The following CDH18 variants were observed in gnomAD, a reference collection of about 807,000 sequenced individuals.
CDH18 encodes cadherin 18, also known as cadherin-18.
A neutral mutation model predicts 67.9 loss-of-function variants in CDH18; 31 were observed. The ratio of observed to expected loss-of-function variants is 0.46; its 90% CI spans 0.34 to 0.62. The LOEUF (loss-of-function observed/expected upper bound fraction) is 0.62. Among genes scored for constraint, CDH18 ranks in the 20% least tolerant of loss-of-function variants. The pLI, the probability that CDH18 is intolerant of heterozygous loss-of-function variation, is 0.01. For missense variants in CDH18, 890 were observed against 975.5 expected (o/e 0.91, Z 1.17); for synonymous variants, 362 against 347.2 (o/e 1.04, Z -0.48).
At chr5:19,756,849 T>G (rs1337096630) in intron 3 of CDH18, among the ~76,000 whole-genome samples, 1 of 152,202 alleles carries the variant, frequency 6.6e-6, no homozygotes, top group Non-Finnish European at 1.5e-5. Flanking sequence ...ATGGTGTGTG[T>G]TGCCACTTAT....
At chr5:19,791,965 C>T (rs1776407373) in intron 3 of CDH18, among the ~76,000 whole-genome samples, 1 of 152,000 alleles carries the variant, frequency 6.6e-6, no homozygotes, top group South Asian at 2.1e-4. Flanking sequence ...AAGAATGTTA[C>T]CAAATTTAAA....
At position 19,622,757 on chromosome 5, in the gene CDH18, C is replaced by T. The variant is rs548737250; in HGVS notation, c.644-10156G>A. Among the ~76,000 whole-genome samples the T allele has an allele frequency of 3.8e-4, 58 of 152,252 alleles. 1 individual carries two copies. Among genetic ancestry groups the T allele is most frequent in the Middle Eastern group, 3.4e-3 (1 of 294 alleles). On this transcript the variant is annotated intron_variant, in intron 5 of 12. Coordinates refer to ENST00000382275, the MANE Select transcript of CDH18 (RefSeq NM_004934.5). ...TAGCTGTTCCTACTAAGGCACTAGG[C>T]ATCTCACTGCACCCATCCTTGAACT... is the stretch of plus-strand genomic sequence containing the variant.
intron 2 of CDH18, among the ~76,000 whole-genome samples, chr5:20,226,097 C>T (rs1018904770): frequency 7.2e-5 from 11 of 152,024 alleles, no homozygotes; most frequent in East Asian, 5.8e-4. Context: ...GAATTTGAGT[C>T]GGAAATCTTT....
intron 1 of CDH18, among the ~76,000 whole-genome samples, chr5:20,495,318 T>C (rs1181475091): frequency 6.6e-6 from 1 of 152,112 alleles, no homozygotes; most frequent in East Asian, 1.9e-4. Flanking sequence ...TAAGGCCCTT[T>C]TAATGTGTTC....
chr5:20,572,783 T>C (rs74460327), intron 1 of CDH18, among the ~76,000 whole-genome samples: 1 of 152,034 alleles, frequency 6.6e-6, no homozygotes, highest in Non-Finnish European at 1.5e-5. Flanking sequence ...ATGGCTAAAA[T>C]GAGTAATCAG....
At chr5:19,833,931 C>G (rs1248110228) in intron 3 of CDH18, among the ~76,000 whole-genome samples, 2 of 151,872 alleles carry the variant, frequency 1.3e-5, no homozygotes, top group Non-Finnish European at 2.9e-5. Context: ...CAGTATTTTA[C>G]TGAGGATTTT....
chr5:20,151,804 C>G (rs1751128072), intron 2 of CDH18, among the ~76,000 whole-genome samples: 1 of 151,668 alleles, frequency 6.6e-6, no homozygotes, highest in Admixed American at 6.6e-5. Flanking sequence ...ATAGTAATGC[C>G]TATAAGTCAT....
At chr5:20,510,929 T>A (rs1754993362) in intron 1 of CDH18, among the ~76,000 whole-genome samples, 2 of 152,190 alleles carry the variant, frequency 1.3e-5, no homozygotes, top group Non-Finnish European at 2.9e-5. Flanking sequence ...ACACCGATGT[T>A]GCCGATAAAT....
chr5:19,550,199 T>A (rs1224130427), intron 8 of CDH18, among the ~76,000 whole-genome samples: 1 of 152,072 alleles, frequency 6.6e-6, no homozygotes, highest in Non-Finnish European at 1.5e-5. Flanking sequence ...AAACCACACA[T>A]CAGCATTCCA....
rs59276117 is a variant in CDH18 at position 20,301,789 on chromosome 5, C to CTTTTT, written c.-579-46289_-579-46285dup. 7.7e-3 allele frequency among the ~76,000 whole-genome samples: 981 copies of CTTTTT among 127,818 alleles called. 12 individuals carry two copies. The highest frequency in any genetic ancestry group is 0.011 in the Non-Finnish European group (686 of 60,942). The allele number at this position is 127,818 out of a possible 152,430, so 83.9% of individuals were successfully genotyped here. A position where few individuals can be genotyped will look rare whatever the true frequency, so the allele number is the denominator to read the frequency against. The stretch of plus-strand genomic sequence containing the variant: ...AAAGGTAGTTTGCTCTTTCTTTTTT[C>CTTTTT]TTTTTTTTTTTTTTTTTTGGCATGC... On this transcript the variant is annotated intron_variant, in intron 1 of 14. Transcript: ENST00000507958.
intron 6 of CDH18, among the ~76,000 whole-genome samples, chr5:19,608,598 G>A (rs1173334962): frequency 6.6e-6 from 1 of 151,546 alleles, no homozygotes; most frequent in Admixed American, 6.6e-5. Context: ...CAATTGTGAT[G>A]TTTACTAACT....
intron 1 of CDH18, among the ~76,000 whole-genome samples, chr5:20,354,240 C>A (rs1741427889): frequency 6.6e-6 from 1 of 152,034 alleles, no homozygotes. Context: ...ATATAAAGGG[C>A]TTTTACTTTT....
chr5:20,324,818 A>G (rs1428089032), intron 1 of CDH18, among the ~76,000 whole-genome samples: 1 of 152,198 alleles, frequency 6.6e-6, no homozygotes, highest in Non-Finnish European at 1.5e-5. Flanking sequence ...ACAGAAGGCA[A>G]CTTAGTATCT....
intron 5 of CDH18, among the ~76,000 whole-genome samples, chr5:19,710,549 T>C (rs1407876683): frequency 6.6e-6 from 1 of 152,164 alleles, no homozygotes; most frequent in African/African-American, 2.4e-5. Flanking sequence ...AATATTTAGT[T>C]TTCTAAGAGC....
intron 2 of CDH18, among the ~76,000 whole-genome samples, chr5:20,003,430 AAC>A (rs148819582): frequency 0.011 from 1,746 of 152,084 alleles, 41 homozygotes; most frequent in African/African-American, 0.04. Context: ...TCAGATTGTA[AAC>A]ACAGACTTCA....
At chr5:19,520,268 C>T (rs760601844) in intron 10 of CDH18, among the ~76,000 whole-genome samples, 1 of 152,088 alleles carries the variant, frequency 6.6e-6, no homozygotes, top group Non-Finnish European at 1.5e-5. Flanking sequence ...ATCATCATTC[C>T]TGTGTCACTC....
chr5:20,346,505 G>A (rs975498526), intron 1 of CDH18, among the ~76,000 whole-genome samples: 5 of 152,102 alleles, frequency 3.3e-5, no homozygotes, highest in Non-Finnish European at 7.3e-5. Context: ...GTACAGAAGT[G>A]GGTGAACTTG....
intron 2 of CDH18, among the ~76,000 whole-genome samples, chr5:19,846,752 GT>G (rs1783008634): frequency 6.6e-6 from 1 of 152,108 alleles, no homozygotes; most frequent in African/African-American, 2.4e-5. Flanking sequence ...TCAAATTGCT[GT>G]TTAGCATGTT....
chr5:19,482,956 G>A (rs1739714562), intron 12 of CDH18, among the ~76,000 whole-genome samples: 1 of 151,920 alleles, frequency 6.6e-6, no homozygotes, highest in Admixed American at 6.6e-5. Context: ...TGGGGTCTTG[G>A]TCAGATTCAT....
Sources: gnomAD v4.1 joint callset for allele counts (sites outside exome capture counted in the v4.1 genomes callset) on GRCh38, gnomAD v4.1.1 for gene constraint, MANE v1.5 for transcripts, NCBI Gene and HGNC (gene_info 2026-07-23, HGNC 2026-07-21) for gene names.